ZNF831: variants seen among roughly 807,000 people sequenced by gnomAD.
ZNF831 encodes the protein zinc finger protein 831.
A neutral mutation model predicts 95.8 loss-of-function variants in ZNF831; 59 were observed. That is an observed-to-expected ratio of 0.62 (90% CI 0.50 to 0.77). The LOEUF is 0.77. Among genes scored for constraint, ZNF831 ranks in the 30% least tolerant of loss-of-function variants. ZNF831 has a pLI of 0.00. For synonymous variants in ZNF831, 961 were observed against 925.5 expected (o/e 1.04, Z -0.70); for missense variants, 2,205 against 2,164.0 (o/e 1.02, Z -0.38).
rs747086043 is a variant in ZNF831 at position 59,258,250 on chromosome 20, G to A, written c.*3507G>A. On this transcript the variant is annotated 3_prime_UTR_variant, in exon 6 of 6. Coordinates refer to ENST00000371030, the MANE Select transcript of ZNF831 (RefSeq NM_178457.3). ...CCAATAGCATGGTGGGTAACCTAGG[G>A]CAAGACAGACTTTTTCTTCCTGAAA... 6 of 152,338 alleles carry A rather than the reference G, an allele frequency of 3.9e-5. No homozygotes were observed. Among genetic ancestry groups the A allele is most frequent in the African/African-American group, 7.2e-5 (3 of 41,404 alleles). 9.4% of individuals were successfully genotyped at this position (152,338 alleles called of 1,614,324 possible).
rs116802653 is a variant in ZNF831, at chr20:59,165,135, C to T, written c.-37+928C>T. On this transcript the variant is annotated intron_variant, in intron 1 of 5. Transcript: ENST00000371030. ...AGATTTGCTTCCTTAGCTGTGCTTC[C>T]GCTGGGAAGCTGGGGAGGGTTGGTC... Among the ~76,000 whole-genome samples, 796 of 152,244 alleles carry T rather than the reference C, an allele frequency of 5.2e-3. 8 individuals carry two copies. The highest frequency in any genetic ancestry group is 0.018 in the African/African-American group (753 of 41,536).
At chr20:59,149,332 T>G (rs573498177) in intron 2 of ZNF831, among the ~76,000 whole-genome samples, 2 of 152,136 alleles carry the variant, frequency 1.3e-5, no homozygotes, top group African/African-American at 2.4e-5. Flanking sequence ...AAACTTCCAA[T>G]TAAAGAAGAT....
intron 4 of ZNF831, among the ~76,000 whole-genome samples, chr20:59,251,353 C>T (rs1354072879): frequency 6.6e-6 from 1 of 152,152 alleles, no homozygotes; most frequent in East Asian, 1.9e-4. Flanking sequence ...ATCCAAAGGA[C>T]CATGAATCAT....
chr20:59,237,442 G>A (rs1200838795), intron 4 of ZNF831, among the ~76,000 whole-genome samples: 1 of 152,120 alleles, frequency 6.6e-6, no homozygotes, highest in Non-Finnish European at 1.5e-5. Context: ...TGCCTCCCAG[G>A]TTCAAGCGAT....
upstream of ZNF831, among the ~76,000 whole-genome samples, chr20:59,163,791 A>G (rs1433905859): frequency 1.3e-5 from 2 of 150,572 alleles, no homozygotes; most frequent in African/African-American, 2.5e-5. Flanking sequence ...GGTAATGTAT[A>G]GGAAATAATT....
intron 1 of ZNF831, among the ~76,000 whole-genome samples, chr20:59,130,623 C>T (rs1050121750): frequency 6.6e-6 from 1 of 152,156 alleles, no homozygotes; most frequent in Non-Finnish European, 1.5e-5. Flanking sequence ...AGGCAAGGTG[C>T]TCTGTCTGGT....
At chr20:59,139,875 G>A (rs1193783941) in intron 1 of ZNF831, among the ~76,000 whole-genome samples, 1 of 152,196 alleles carries the variant, frequency 6.6e-6, no homozygotes, top group East Asian at 1.9e-4. Flanking sequence ...ACATTGATGA[G>A]TCTGAATTGA....
rs188457138 is a variant in ZNF831, at chr20:59,250,044, G to A, written c.4028-2934G>A. On this transcript the variant is annotated intron_variant, in intron 4 of 5. Transcript: ENST00000371030. ...AACTCAGACATTCATGGTACCAGGT[G>A]TGGCTGAAAACAAGATTGATTGAAA... Among the ~76,000 whole-genome samples, 40 of 152,288 alleles carry A rather than the reference G, an allele frequency of 2.6e-4. No individual in the cohort carries two copies. In the East Asian group the frequency reaches 3.3e-3, roughly 12 times the overall value.
In ZNF831 at chr20:59,254,175, C is replaced by A; in HGVS notation, c.4466C>A (p.Ser1489Tyr). ...TTTCCCCACCATGACATTGCTACCTCTGTGGCTGCCGTTTGTATTTCTCTG... is the reference window on the plus strand; with the variant it reads ...TTTCCCCACCATGACATTGCTACCTATGTGGCTGCCGTTTGTATTTCTCTG... ...GTFPHHDIATSVAAVCISLPV... is the reference protein window; with the variant it reads ...GTFPHHDIATYVAAVCISLPV... The change falls in exon 6 of 6, where the codon TCT (serine) becomes TAT (tyrosine). Residue 1489 changes from serine to tyrosine, a missense_variant. Transcript: ENST00000371030. This position sits in a 1 kb window ranked among gnomAD's most constrained non-coding sequence, Gnocchi z 4.5. The A allele has an allele frequency of 6.2e-7, 1 of 1,614,156 alleles. No homozygotes were observed. Among genetic ancestry groups the A allele is most frequent in the South Asian group, 1.1e-5 (1 of 91,076 alleles).
At chr20:59,196,886 G>C (rs896634127) in intron 3 of ZNF831, among the ~76,000 whole-genome samples, 1 of 151,552 alleles carries the variant, frequency 6.6e-6, no homozygotes, top group Non-Finnish European at 1.5e-5. Flanking sequence ...CAAGCGATTT[G>C]CCTGCTCAGC....
Position 59,253,901 on chromosome 20 carries a change from A to G in ZNF831, c.4192A>G (p.Ile1398Val), listed in dbSNP as rs768668709. 3 of 1,062,140 alleles carry G rather than the reference A, an allele frequency of 2.8e-6. No individual in the cohort carries two copies. The highest frequency in any genetic ancestry group is 2.2e-5 in the Admixed American group (1 of 44,520). The allele number at this position is 1,062,140 out of a possible 1,614,324, so 65.8% of individuals were successfully genotyped here. The change falls in exon 6 of 6, where the codon ATT becomes GTT. Residue 1398 changes from isoleucine (I) to valine (V), a missense_variant. By Grantham distance (29) the Ile-to-Val change is conservative (BLOSUM62 3). Coordinates refer to ENST00000371030, the MANE Select transcript of ZNF831 (RefSeq NM_178457.3). ...TTTCCTTTGCACTTTGTTGCAGGAT[A>G]TTTCTCCATCTGCTGGTGAGCATGG... ...REMDKRTVKD[I>V]SPSAGEHGDC...
chr20:59,174,436 A>G (rs1475146125), intron 1 of ZNF831, among the ~76,000 whole-genome samples: 2 of 152,252 alleles, frequency 1.3e-5, no homozygotes, highest in East Asian at 3.8e-4. Context: ...TGGAGTGAAG[A>G]GTAGAAATCT....
chr20:59,178,798 G>A (rs1272672525), intron 1 of ZNF831, among the ~76,000 whole-genome samples: 2 of 152,198 alleles, frequency 1.3e-5, no homozygotes, highest in Non-Finnish European at 2.9e-5. Context: ...ATGCCATGGG[G>A]GAGGTGTCAA....
intron 4 of ZNF831, among the ~76,000 whole-genome samples, chr20:59,226,514 T>C (rs1448035771): frequency 1.3e-5 from 2 of 152,006 alleles, no homozygotes; most frequent in Non-Finnish European, 2.9e-5. Context: ...ATGTAAATCA[T>C]GAAATGCAGC....
intron 1 of ZNF831, among the ~76,000 whole-genome samples, chr20:59,175,010 T>C (rs1372456256): frequency 6.6e-6 from 1 of 152,188 alleles, no homozygotes; most frequent in Non-Finnish European, 1.5e-5. Context: ...ATATAAAATT[T>C]TGGGCTGACA....
chr20:59,151,456 A>G (rs1351236138), intron 2 of ZNF831, among the ~76,000 whole-genome samples: 1 of 152,194 alleles, frequency 6.6e-6, no homozygotes, highest in Non-Finnish European at 1.5e-5. Context: ...CTGTGCTAGC[A>G]TCTTGTGCTT....
chr20:59,192,069 C>G lies in ZNF831; in HGVS notation c.1050C>G (p.Ser350=), dbSNP rs1386282214. ...ESTDSGYLSR[S]DSAEQPHAPC... ...CCGACTCGGGGTACCTGTCGCGCTC[C>G]GACAGCGCGGAGCAGCCGCATGCGC... The change falls in exon 2 of 6, where the codon TCC becomes TCG. Residue 350 remains serine (S), a synonymous_variant. Coordinates refer to ENST00000371030, the MANE Select transcript of ZNF831 (RefSeq NM_178457.3). The surrounding 1 kb of genome is among the most constrained non-coding windows in gnomAD (Gnocchi z 5.2). 1 of 1,606,128 alleles carries G rather than the reference C, an allele frequency of 6.2e-7. No individual in the cohort carries two copies. The highest frequency in any genetic ancestry group is 8.5e-7 in the Non-Finnish European group (1 of 1,178,782).
chr20:59,159,500 A>T (rs1980726553), upstream of ZNF831, among the ~76,000 whole-genome samples: 1 of 152,186 alleles, frequency 6.6e-6, no homozygotes, highest in Non-Finnish European at 1.5e-5. Flanking sequence ...AGATAATTGC[A>T]TGGGGTGTTC....
chr20:59,208,785 C>T lies in ZNF831; in HGVS notation c.4027+1729C>T, dbSNP rs112055480. The stretch of plus-strand genomic sequence containing the variant: ...AGCTTGGATGGAACCCCTGCTGAGA[C>T]GCTGGCAGAGAGCTGGTAGCCCCCG... On this transcript the variant is annotated intron_variant, in intron 4 of 5. Transcript: ENST00000371030. This position sits in a 1 kb window ranked among gnomAD's most constrained non-coding sequence, Gnocchi z 4.2. Among the ~76,000 whole-genome samples the T allele has an allele frequency of 3.7e-4, 57 of 152,212 alleles. No individual in the cohort carries two copies. Among genetic ancestry groups the T allele is most frequent in the African/African-American group, 1.1e-3 (47 of 41,524 alleles).
Sources: gnomAD v4.1 joint callset for allele counts (sites outside exome capture counted in the v4.1 genomes callset) on GRCh38, gnomAD v4.1.1 for gene constraint, Gnocchi (gnomAD v3.1) non-coding constraint, MANE v1.5 for transcripts, NCBI Gene and HGNC (gene_info 2026-07-23, HGNC 2026-07-21) for gene names.